The following TTC28 variants were observed in gnomAD, a reference collection of about 807,000 sequenced individuals.
The protein encoded by TTC28 is tetratricopeptide repeat domain 28.
In TTC28, 61 loss-of-function variants were observed where a neutral mutation model predicts 198.0. The observed-to-expected ratio is 0.31, with a 90% confidence interval of 0.25 to 0.38. The LOEUF is 0.38. Ranked by LOEUF, TTC28 falls within the 10% of genes least tolerant of loss-of-function variation. The probability of loss-of-function intolerance (pLI) is 1.00; values close to 1 mark genes in which losing one functional copy is unlikely to be tolerated. For missense variants in TTC28, 2,678 were observed against 3,164.0 expected (o/e 0.85, Z 3.69); for synonymous variants, 1,171 against 1,297.8 (o/e 0.90, Z 2.10).
At chr22:28,086,790 A>G (rs1941620134) in intron 12 of TTC28, among the ~76,000 whole-genome samples, 1 of 152,146 alleles carries the variant, frequency 6.6e-6, no homozygotes, top group African/African-American at 2.4e-5. Context: ...GAAAAGAGAG[A>G]AGAATCAAAT....
chr22:28,260,733 G>A (rs1289959002), intron 5 of TTC28, among the ~76,000 whole-genome samples: 1 of 152,154 alleles, frequency 6.6e-6, no homozygotes, highest in Admixed American at 6.5e-5. Context: ...TTGGCACCCA[G>A]TAAATCTGTA....
At chr22:28,356,406 C>T (rs1479469066) in intron 2 of TTC28, among the ~76,000 whole-genome samples, 1 of 152,160 alleles carries the variant, frequency 6.6e-6, no homozygotes, top group Non-Finnish European at 1.5e-5. Context: ...AGAGCAGAGC[C>T]AGTTATTTAT....
intron 19 of TTC28, 185 bp downstream of exon 19, chr22:27,992,402 C>T: frequency 3.2e-6 from 2 of 633,660 alleles, no homozygotes; most frequent in South Asian, 2.0e-5. Context: ...CAGATGGAAA[C>T]AGCAGGTAAA....
rs545405842 is a variant in TTC28, at chr22:28,618,577, G to A, written c.381+10975C>T. Among the ~76,000 whole-genome samples the A allele has an allele frequency of 1.5e-3, 226 of 151,754 alleles. 1 individual carries two copies. The highest frequency in any genetic ancestry group is 2.6e-3 in the Admixed American group (40 of 15,244). ...CATGCCTGTAATCCCAGCTACTGGG[G>A]AGGCTGAGGCAGGAGAATCGTTTGA... is the stretch of plus-strand genomic sequence containing the variant. On this transcript the variant is annotated intron_variant, in intron 2 of 22. Transcript: ENST00000397906.
intron 12 of TTC28, among the ~76,000 whole-genome samples, chr22:28,038,550 G>T (rs111667313): frequency 0.016 from 2,367 of 152,046 alleles, 41 homozygotes; most frequent in South Asian, 0.063. Flanking sequence ...ATGTTAGACC[G>T]AAAACCATAA....
intron 12 of TTC28, 120 bp from the exon 13 acceptor site, chr22:28,030,486 A>G: frequency 1.6e-6 from 2 of 1,258,444 alleles, no homozygotes; most frequent in Non-Finnish European, 1.1e-6. Flanking sequence ...TTGTCTCCAG[A>G]TGACAGCATC....
intron 7 of TTC28, 41 bp from the exon 8 acceptor site, chr22:28,105,843 G>A: frequency 6.6e-7 from 1 of 1,510,018 alleles, no homozygotes; most frequent in Non-Finnish European, 8.8e-7. Context: ...ATTATTTCAT[G>A]CAGGTGCAGA....
intron 6 of TTC28, among the ~76,000 whole-genome samples, chr22:28,150,958 T>C (rs1273752913): frequency 6.6e-6 from 1 of 152,214 alleles, no homozygotes; most frequent in Non-Finnish European, 1.5e-5. Flanking sequence ...TTCTCCAAAG[T>C]GATCACTCAA....
At chr22:28,643,497 T>C (rs2051402718) in intron 1 of TTC28, among the ~76,000 whole-genome samples, 1 of 152,260 alleles carries the variant, frequency 6.6e-6, no homozygotes, top group African/African-American at 2.4e-5. Flanking sequence ...AAGTGAATAC[T>C]TCTCAAACGT....
At chr22:28,342,384 T>C (rs963050586) in intron 2 of TTC28, among the ~76,000 whole-genome samples, 1 of 152,238 alleles carries the variant, frequency 6.6e-6, no homozygotes, top group East Asian at 1.9e-4. Flanking sequence ...AAAGAATATA[T>C]GTTCATTCTA....
chr22:28,150,595 G>A (rs1187110338), intron 6 of TTC28, among the ~76,000 whole-genome samples: 1 of 152,208 alleles, frequency 6.6e-6, no homozygotes, highest in Non-Finnish European at 1.5e-5. Flanking sequence ...CCAAAGCTCA[G>A]TGCAGTCACA....
intron 5 of TTC28, among the ~76,000 whole-genome samples, chr22:28,293,189 G>A (rs1480270516): frequency 6.6e-6 from 1 of 152,010 alleles, no homozygotes; most frequent in East Asian, 1.9e-4. Flanking sequence ...CAATAACCAA[G>A]ATATGGAAAC....
At chr22:28,330,501 T>C (rs1217410977) in intron 2 of TTC28, among the ~76,000 whole-genome samples, 1 of 152,196 alleles carries the variant, frequency 6.6e-6, no homozygotes, top group African/African-American at 2.4e-5. Context: ...CTCCATACCT[T>C]TTCCAAAGAC....
intron 5 of TTC28, among the ~76,000 whole-genome samples, chr22:28,262,703 G>A (rs1931408993): frequency 2.0e-5 from 3 of 152,144 alleles, no homozygotes; most frequent in African/African-American, 7.2e-5. Flanking sequence ...ATTGCTATTT[G>A]TTGAGTTCCC....
At chr22:28,304,386 A>G (rs891346853) in intron 3 of TTC28, among the ~76,000 whole-genome samples, 7 of 152,200 alleles carry the variant, frequency 4.6e-5, no homozygotes, top group Admixed American at 1.3e-4. Flanking sequence ...GCACAGAACA[A>G]TACTGTGCAA....
intron 2 of TTC28, among the ~76,000 whole-genome samples, chr22:28,519,797 CT>C (rs2048864337): frequency 6.6e-6 from 1 of 152,234 alleles, no homozygotes. Context: ...TAAAGCTTTT[CT>C]TTTCTCAAAA....
intron 2 of TTC28, among the ~76,000 whole-genome samples, chr22:28,605,262 T>C (rs2050710917): frequency 6.6e-6 from 1 of 152,132 alleles, no homozygotes. Flanking sequence ...AAAAATCCCT[T>C]TTGGCAAAAA....
chr22:28,359,218 CA>C (rs1032120704), intron 2 of TTC28, among the ~76,000 whole-genome samples: 3 of 152,042 alleles, frequency 2.0e-5, no homozygotes, highest in African/African-American at 7.2e-5. Flanking sequence ...AAAAGAAGTA[CA>C]AAAAACTGTT....
intron 15 of TTC28, chr22:28,000,078 A>C (rs1419084130): frequency 6.6e-6 from 1 of 152,170 alleles, no homozygotes; most frequent in Admixed American, 6.5e-5. Flanking sequence ...TGATACCCAG[A>C]GTGCTGCTAT....
Sources: gnomAD v4.1 joint callset for allele counts (sites outside exome capture counted in the v4.1 genomes callset) on GRCh38, gnomAD v4.1.1 for gene constraint, MANE v1.5 for transcripts, NCBI Gene and HGNC (gene_info 2026-07-23, HGNC 2026-07-21) for gene names.